The following TENM1 variants were observed in gnomAD, a reference collection of about 807,000 sequenced individuals.
The protein encoded by TENM1 is teneurin transmembrane protein 1, also known as teneurin-1.
Under a neutral mutation model 174.8 loss-of-function variants are expected in TENM1, and 35 were observed. That is an observed-to-expected ratio of 0.20 (90% CI 0.15 to 0.27). TENM1 has a LOEUF of 0.27. Among genes scored for constraint, TENM1 ranks in the 10% least tolerant of loss-of-function variants. TENM1 has a pLI of 1.00. For synonymous variants in TENM1, 781 were observed against 798.7 expected, an observed-to-expected ratio of 0.98 and a Z score of 0.37; for missense variants, 1,633 against 2,130.1, an observed-to-expected ratio of 0.77 and a Z score of 4.59.
At chrX:125,046,841 T>TGTGTGTGTGTGCATGC in the TENM1 span, among the ~76,000 whole-genome samples, 19 of 98,846 alleles carry the variant, frequency 1.9e-4, no homozygotes. Context: ...TGTGCATGTG[T>TGTGTGTGTGTGCATGC]GTGTGTGTGT....
the TENM1 span, among the ~76,000 whole-genome samples, chrX:124,971,592 A>T: frequency 4.2e-3 from 473 of 111,540 alleles, 1 homozygote; most frequent in African/African-American, 0.014. Flanking sequence ...GATACCATGA[A>T]CATCTTCAAT....
At chrX:124,690,050 T>A (rs2052477540) in intron 5 of TENM1, among the ~76,000 whole-genome samples, 1 of 111,879 alleles carries the variant, frequency 8.9e-6, no homozygotes, top group African/African-American at 3.2e-5. Context: ...GGGACCTACA[T>A]GAGTTAAAGT....
At chrX:124,585,987 G>A (rs760872699) in intron 11 of TENM1, among the ~76,000 whole-genome samples, 1 of 110,392 alleles carries the variant, frequency 9.1e-6, no homozygotes, top group Non-Finnish European at 1.9e-5. Flanking sequence ...ACTAAACCAG[G>A]AAGAAGGTGA....
chrX:124,612,535 C>A (rs1465381353), intron 11 of TENM1, among the ~76,000 whole-genome samples: 1 of 111,402 alleles, frequency 9.0e-6, no homozygotes, highest in Non-Finnish European at 1.9e-5. Flanking sequence ...TGTCACCCAT[C>A]CCAAACTATG....
chrX:125,164,183 T>C, the TENM1 span, among the ~76,000 whole-genome samples: 2 of 111,877 alleles, frequency 1.8e-5, no homozygotes, highest in African/African-American at 6.5e-5. Context: ...CAGCCATGTA[T>C]GTACACAAAG....
At chrX:124,848,172 C>T (rs1242342479) in intron 3 of TENM1, among the ~76,000 whole-genome samples, 1 of 111,194 alleles carries the variant, frequency 9.0e-6, no homozygotes, top group African/African-American at 3.3e-5. Flanking sequence ...TTCTTCCTCC[C>T]TCCCCACACA....
intron 27 of TENM1, among the ~76,000 whole-genome samples, chrX:124,396,612 CCTT>C (rs777455357): frequency 2.6e-4 from 29 of 110,986 alleles, no homozygotes; most frequent in Non-Finnish European, 9.4e-5. Flanking sequence ...CCTCCAACCT[CCTT>C]CTTGAGTGCT....
intron 5 of TENM1, among the ~76,000 whole-genome samples, chrX:124,674,122 G>A (rs1343766637): frequency 9.2e-6 from 1 of 109,002 alleles, no homozygotes; most frequent in African/African-American, 3.3e-5. Flanking sequence ...GGATATTAGA[G>A]CTAGAAAAAG....
At chrX:125,013,524 A>C in the TENM1 span, among the ~76,000 whole-genome samples, 1 of 111,327 alleles carries the variant, frequency 9.0e-6, no homozygotes, top group Non-Finnish European at 1.9e-5. Context: ...TGTTAACATG[A>C]AGTGCTAATA....
At chrX:124,384,931 A>T (rs1212041133) in intron 29 of TENM1, 77 bp from the exon 33 acceptor site, 1 of 924,376 alleles carries the variant, frequency 1.1e-6, no homozygotes, top group East Asian at 3.2e-5. Flanking sequence ...GTGTTATTTT[A>T]TTTAGTACTG....
At chrX:124,782,081 A>C (rs1422072340) in intron 3 of TENM1, among the ~76,000 whole-genome samples, 1 of 111,449 alleles carries the variant, frequency 9.0e-6, no homozygotes, top group Non-Finnish European at 1.9e-5. Context: ...TGATGTAGAC[A>C]AACATGGCAA....
intron 5 of TENM1, among the ~76,000 whole-genome samples, chrX:124,680,064 AC>A (rs2052196627): frequency 8.9e-6 from 1 of 111,913 alleles, no homozygotes; most frequent in South Asian, 3.7e-4. Flanking sequence ...AAGAAAAAAA[AC>A]AAAAGGCATT....
chrX:124,672,422 C>G (rs1185505415), intron 5 of TENM1, among the ~76,000 whole-genome samples: 2 of 111,332 alleles, frequency 1.8e-5, no homozygotes, highest in Non-Finnish European at 3.8e-5. Flanking sequence ...AAACTGCTAT[C>G]AGAAGATTAA....
At chrX:125,035,379 T>C in the TENM1 span, among the ~76,000 whole-genome samples, 9 of 111,754 alleles carry the variant, frequency 8.1e-5, no homozygotes, top group African/African-American at 2.9e-4. Context: ...TTGGAATTTA[T>C]GGATTTAACA....
intron 5 of TENM1, among the ~76,000 whole-genome samples, chrX:124,700,207 G>T (rs2052743803): frequency 9.0e-6 from 1 of 111,155 alleles, no homozygotes; most frequent in African/African-American, 3.3e-5. Flanking sequence ...GTAAAATAAA[G>T]GCAAAGTGAC....
chrX:124,653,488 C>T, intron 7 of TENM1, 96 bp downstream of exon 10: 9 of 674,304 alleles, frequency 1.3e-5, no homozygotes, highest in South Asian at 2.9e-5. Flanking sequence ...CTGTCCTTAC[C>T]TTTGACAACC....
At chrX:124,607,059 G>C (rs112073372) in intron 11 of TENM1, among the ~76,000 whole-genome samples, 9 of 110,363 alleles carry the variant, frequency 8.2e-5, no homozygotes, top group African/African-American at 2.7e-4. Flanking sequence ...ATTAAGGAAT[G>C]AGACAAAATG....
At chrX:124,749,403 G>C in intron 3 of TENM1, among the ~76,000 whole-genome samples, 1 of 112,131 alleles carries the variant, frequency 8.9e-6, no homozygotes, top group East Asian at 2.8e-4. Context: ...CAAAGGATGT[G>C]AAGAAGAGCC....
exon 14 of TENM1, chrX:124,561,806 C>T (rs1332971045): frequency 4.1e-6 from 5 of 1,210,810 alleles, no homozygotes; most frequent in African/African-American, 1.7e-5. Context: ...AAGCAGAGCC[C>T]TGGGCAGCCA....
Sources: allele counts gnomAD v4.1 joint callset (sites outside exome capture counted in the v4.1 genomes callset), GRCh38; gene constraint gnomAD v4.1.1; transcripts MANE v1.5; gene names NCBI Gene and HGNC (gene_info 2026-07-23, HGNC 2026-07-21).